The following SMYD3 variants were observed in gnomAD, a reference collection of about 807,000 sequenced individuals.
SMYD3 encodes histone-lysine N-methyltransferase SMYD3.
Under a neutral mutation model 57.7 loss-of-function variants are expected in SMYD3, and 36 were observed. The observed-to-expected ratio is 0.62, with a 90% CI of 0.48 to 0.82. The LOEUF (loss-of-function observed/expected upper bound fraction) is 0.82. Among genes scored for constraint, SMYD3 ranks in the 40% least tolerant of loss-of-function variants. The pLI is 0.00. For synonymous variants in SMYD3, 211 were observed against 195.0 expected (o/e 1.08, Z -0.68); for missense variants, 515 against 538.8 (o/e 0.96, Z 0.44).
intron 5 of SMYD3, among the ~76,000 whole-genome samples, chr1:245,944,018 C>G (rs1473491807): frequency 6.6e-6 from 1 of 152,106 alleles, no homozygotes; most frequent in Non-Finnish European, 1.5e-5. Flanking sequence ...ATGACAAACC[C>G]ACCCAGCCAA....
rs992414155 is a variant in SMYD3 at position 246,328,959 on chromosome 1, C to G, written c.394+1521G>C. Among the ~76,000 whole-genome samples the G allele has an allele frequency of 5.3e-5, 8 of 151,584 alleles. No homozygotes were observed. In the East Asian group the frequency reaches 1.4e-3, roughly 26 times the overall value. On this transcript the variant is annotated intron_variant, in intron 4 of 11. Coordinates refer to ENST00000490107, the MANE Select transcript of SMYD3 (RefSeq NM_001167740.2). ...TGCGGTGTTTGGTTTTTTGTCCTTG[C>G]AATAGTTTACTGAGAATGATGATTT...
intron 11 of SMYD3, among the ~76,000 whole-genome samples, chr1:245,762,444 C>G (rs746101374): frequency 3.3e-5 from 5 of 152,214 alleles, no homozygotes; most frequent in Admixed American, 6.5e-5. Flanking sequence ...TCTGTCAGGA[C>G]TTTCACACAG....
chr1:246,423,950 A>C (rs1455407115), intron 1 of SMYD3, among the ~76,000 whole-genome samples: 1 of 152,236 alleles, frequency 6.6e-6, no homozygotes, highest in South Asian at 2.1e-4. Flanking sequence ...CCAGAATTCT[A>C]TATCTAGCAG....
At chr1:246,480,531 C>T (rs896066041) in intron 1 of SMYD3, among the ~76,000 whole-genome samples, 7 of 152,084 alleles carry the variant, frequency 4.6e-5, no homozygotes, top group African/African-American at 1.4e-4. Flanking sequence ...TTAACAAACA[C>T]CTCTCTATTC....
At chr1:245,900,922 G>A (rs896546862) in intron 8 of SMYD3, among the ~76,000 whole-genome samples, 1 of 152,190 alleles carries the variant, frequency 6.6e-6, no homozygotes, top group Non-Finnish European at 1.5e-5. Context: ...TGTCATTCTT[G>A]CCTGTGGCAA....
chr1:246,424,264 A>G (rs946005), intron 1 of SMYD3, among the ~76,000 whole-genome samples: 143,375 of 152,032 alleles, frequency 0.94, 68,213 homozygotes, highest in East Asian at 1. Flanking sequence ...ATTATTTTAC[A>G]GTAGATTATG....
At chr1:246,243,336 T>A (rs1037323944) in intron 5 of SMYD3, among the ~76,000 whole-genome samples, 1 of 151,592 alleles carries the variant, frequency 6.6e-6, no homozygotes, top group Non-Finnish European at 1.5e-5. Context: ...ATATTTTCTA[T>A]GGAGTTCTAA....
At chr1:245,859,517 C>T (rs982975838) in intron 9 of SMYD3, among the ~76,000 whole-genome samples, 1 of 152,198 alleles carries the variant, frequency 6.6e-6, no homozygotes, top group Non-Finnish European at 1.5e-5. Flanking sequence ...CAGAGGCAGT[C>T]AGAGGACTGA....
intron 5 of SMYD3, 102 bp downstream of exon 5, chr1:246,327,099 T>G: frequency 7.0e-7 from 1 of 1,438,224 alleles, no homozygotes; most frequent in Non-Finnish European, 9.7e-7. Flanking sequence ...ATTAAGGGTC[T>G]TGAATTTCCT....
chr1:246,227,354 G>T (rs1310609226), intron 5 of SMYD3, among the ~76,000 whole-genome samples: 1 of 152,188 alleles, frequency 6.6e-6, no homozygotes, highest in African/African-American at 2.4e-5. Context: ...GGCGGCTCAC[G>T]CCTGTAATCC....
intron 5 of SMYD3, among the ~76,000 whole-genome samples, chr1:245,988,910 A>C (rs2058758032): frequency 6.6e-6 from 1 of 152,270 alleles, no homozygotes; most frequent in Non-Finnish European, 1.5e-5. Flanking sequence ...CCATTCTGCT[A>C]CCAAGAGCCT....
At chr1:246,134,377 A>C (rs1445228428) in intron 5 of SMYD3, among the ~76,000 whole-genome samples, 2 of 152,114 alleles carry the variant, frequency 1.3e-5, no homozygotes, top group Non-Finnish European at 2.9e-5. Flanking sequence ...ATAAACACTT[A>C]TGTATTCAAT....
intron 8 of SMYD3, among the ~76,000 whole-genome samples, chr1:245,873,879 T>G (rs1292108158): frequency 3.9e-5 from 6 of 152,184 alleles, no homozygotes; most frequent in African/African-American, 1.2e-4. Flanking sequence ...GCTCTGCCAC[T>G]GGCCAGCTGT....
intron 5 of SMYD3, among the ~76,000 whole-genome samples, chr1:246,246,759 T>C (rs2063710607): frequency 1.3e-5 from 2 of 151,552 alleles, no homozygotes; most frequent in Non-Finnish European, 2.9e-5. Flanking sequence ...ACATAGAAGA[T>C]GCCCAAATAA....
rs1034980283 is a variant in SMYD3 at position 246,203,507 on chromosome 1, G to A, written c.531+123694C>T. ...AGTATCTATAGGTTTGGTTTCCTCC[G>A]AGCCCTCTCTGGCTGGAGGAGCCAC... is the stretch of plus-strand genomic sequence containing the variant. On this transcript the variant is annotated intron_variant, in intron 5 of 11. Transcript: ENST00000490107. This position sits in a 1 kb window ranked among gnomAD's most constrained non-coding sequence, Gnocchi z 4.6. 1.3e-5 allele frequency among the ~76,000 whole-genome samples: 2 copies of A among 152,102 alleles called. No homozygotes were observed. Among genetic ancestry groups the A allele is most frequent in the Admixed American group, 6.5e-5 (1 of 15,268 alleles).
At chr1:246,169,434 G>A (rs1234179746) in intron 5 of SMYD3, among the ~76,000 whole-genome samples, 1 of 123,828 alleles carries the variant, frequency 8.1e-6, no homozygotes, top group African/African-American at 2.9e-5. Context: ...AAAGGGCAAA[G>A]CTTAAAAAGC....
intron 5 of SMYD3, among the ~76,000 whole-genome samples, chr1:246,273,208 G>A (rs1356221598): frequency 6.9e-6 from 1 of 145,784 alleles, no homozygotes; most frequent in African/African-American, 2.5e-5. Context: ...GGAGTGCAGA[G>A]GCACAACCTC....
intron 8 of SMYD3, among the ~76,000 whole-genome samples, chr1:245,872,430 C>T (rs1192529851): frequency 1.1e-5 from 1 of 92,254 alleles, no homozygotes; most frequent in Non-Finnish European, 2.0e-5. Flanking sequence ...CCCAGAGTTC[C>T]TGCCGCCTTC....
chr1:245,808,584 C>T (rs927796460), intron 10 of SMYD3, among the ~76,000 whole-genome samples: 3 of 152,280 alleles, frequency 2.0e-5, no homozygotes, highest in Admixed American at 1.3e-4. Context: ...TGGCCACTTT[C>T]CCCTTTCTCA....
Sources: allele counts gnomAD v4.1 joint callset (sites outside exome capture counted in the v4.1 genomes callset), GRCh38; gene constraint gnomAD v4.1.1; non-coding constraint Gnocchi (gnomAD v3.1); transcripts MANE v1.5; gene names NCBI Gene and HGNC (gene_info 2026-07-23, HGNC 2026-07-21).